MED12L: variants seen among roughly 807,000 people sequenced by gnomAD.
MED12L encodes mediator complex subunit 12L.
MED12L carries 60 observed loss-of-function variants against 281.3 expected under a neutral mutation model. That is an observed-to-expected ratio of 0.21 (90% CI 0.17 to 0.26). MED12L has a LOEUF of 0.26. Among genes scored for constraint, MED12L ranks in the 10% least tolerant of loss-of-function variants. The pLI, the probability that MED12L is intolerant of heterozygous loss-of-function variation, is 1.00. For synonymous variants in MED12L, 974 were observed against 987.2 expected (o/e 0.99, Z 0.25); for missense variants, 2,146 against 2,680.9 (o/e 0.80, Z 4.41).
intron 2 of MED12L, among the ~76,000 whole-genome samples, chr3:151,098,907 G>A (rs1313275837): frequency 6.6e-6 from 1 of 152,160 alleles, no homozygotes; most frequent in Non-Finnish European, 1.5e-5. Flanking sequence ...GCAGTTCCAT[G>A]TGGCTGGGGA....
intron 16 of MED12L, among the ~76,000 whole-genome samples, chr3:151,324,977 C>T (rs1453516221): frequency 6.6e-6 from 1 of 152,070 alleles, no homozygotes; most frequent in Non-Finnish European, 1.5e-5. Flanking sequence ...CTGTTAATAT[C>T]TGTGTGAACT....
intron 16 of MED12L, among the ~76,000 whole-genome samples, chr3:151,263,902 G>T (rs920608695): frequency 4.6e-5 from 7 of 152,202 alleles, no homozygotes; most frequent in African/African-American, 1.4e-4. Flanking sequence ...GCAGGGTAAA[G>T]TGTGGCACAG....
At chr3:151,098,961 G>A (rs1436305275) in intron 2 of MED12L, among the ~76,000 whole-genome samples, 5 of 152,178 alleles carry the variant, frequency 3.3e-5, no homozygotes. Flanking sequence ...GTCTTACATG[G>A]TGGCAGGCAA....
intron 16 of MED12L, chr3:151,327,965 A>G: frequency 6.8e-7 from 1 of 1,466,840 alleles, no homozygotes; most frequent in East Asian, 2.3e-5. Context: ...TCATCAATAA[A>G]TAGAAGTTAA....
chr3:151,307,014 A>G (rs1011543267), intron 16 of MED12L, among the ~76,000 whole-genome samples: 3 of 152,216 alleles, frequency 2.0e-5, no homozygotes, highest in African/African-American at 7.2e-5. Context: ...GAAAAGCTAT[A>G]CTGAACTGAT....
chr3:151,252,698 A>G (rs967048143), intron 16 of MED12L, among the ~76,000 whole-genome samples: 2 of 152,214 alleles, frequency 1.3e-5, no homozygotes, highest in Non-Finnish European at 2.9e-5. Context: ...CTTATGATGC[A>G]TGCAAATAGA....
At position 151,163,957 on chromosome 3, in the gene MED12L, C is replaced by T. The variant is rs774298475; in HGVS notation, c.1172C>T (p.Ala391Val). 1.1e-5 allele frequency: 18 copies of T among 1,613,550 alleles called. No individual in the cohort carries two copies. Among genetic ancestry groups the T allele is most frequent in the Non-Finnish European group, 1.5e-5 (18 of 1,179,806 alleles). The change falls in exon 9 of 45, where the codon GCA becomes GTA. Residue 391 changes from alanine to valine, a missense_variant. Physicochemically the swap from Ala to Val is moderately conservative, Grantham distance 64. Transcript: ENST00000687756. ...TATTCCACAAATGAAAATAAGAGCG[C>T]AAACCCAGGCTCACCCCTGGATCTG... ...WNYSTNENKS[A>V]NPGSPLDLLQ...
intron 32 of MED12L, among the ~76,000 whole-genome samples, 198 bp from the exon 33 acceptor site, chr3:151,382,458 A>T (rs1712551712): frequency 6.6e-6 from 1 of 152,164 alleles, no homozygotes. Flanking sequence ...TTCTTCCTCC[A>T]CCTAGAACGG....
intron 8 of MED12L, 131 bp from the exon 9 acceptor site, chr3:151,163,762 C>T: frequency 1.2e-6 from 1 of 843,426 alleles, no homozygotes; most frequent in East Asian, 2.9e-5. Flanking sequence ...TGGGGTAAGA[C>T]ACTCTCGTAT....
intron 43 of MED12L, among the ~76,000 whole-genome samples, chr3:151,421,912 A>G (rs1161498854): frequency 6.6e-6 from 1 of 152,154 alleles, no homozygotes; most frequent in Admixed American, 6.5e-5. Flanking sequence ...GCTGTTGAAG[A>G]TAAGTGAACT....
At chr3:151,375,812 G>A (rs1756779650) in intron 27 of MED12L, among the ~76,000 whole-genome samples, 1 of 151,856 alleles carries the variant, frequency 6.6e-6, no homozygotes, top group African/African-American at 2.4e-5. Flanking sequence ...ATTAAAAAAT[G>A]TTTTTAAGCA....
At chr3:151,157,091 A>G (rs1048495758) in intron 6 of MED12L, among the ~76,000 whole-genome samples, 2 of 152,314 alleles carry the variant, frequency 1.3e-5, no homozygotes, top group Non-Finnish European at 2.9e-5. Context: ...TTCTAGTTCC[A>G]TTTAGAAGAG....
chr3:151,162,113 T>A (rs1351474416), intron 8 of MED12L, among the ~76,000 whole-genome samples: 1 of 152,166 alleles, frequency 6.6e-6, no homozygotes, highest in South Asian at 2.1e-4. Flanking sequence ...TATATTTTGA[T>A]GGGCAGATTT....
At chr3:151,328,450 C>A in intron 16 of MED12L, 1 of 1,613,602 alleles carries the variant, frequency 6.2e-7, no homozygotes, top group Non-Finnish European at 8.5e-7. Flanking sequence ...GCCATTTCAG[C>A]CCCAGAGGCC....
intron 5 of MED12L, among the ~76,000 whole-genome samples, chr3:151,133,085 C>G (rs1003120652): frequency 6.6e-6 from 1 of 152,194 alleles, no homozygotes; most frequent in African/African-American, 2.4e-5. Context: ...AAGTGTCATC[C>G]TTTTCTGGCA....
chr3:151,113,347 G>A (rs890012099), intron 2 of MED12L, among the ~76,000 whole-genome samples: 5 of 152,210 alleles, frequency 3.3e-5, no homozygotes, highest in Admixed American at 1.3e-4. Context: ...GTGAAGGGAA[G>A]TGTGGTTAGG....
At chr3:151,415,814 A>G (rs1003373036) in intron 42 of MED12L, among the ~76,000 whole-genome samples, 1 of 152,156 alleles carries the variant, frequency 6.6e-6, no homozygotes, top group Admixed American at 6.5e-5. Context: ...TGAATTTCTG[A>G]TGTAAATTAT....
intron 16 of MED12L, among the ~76,000 whole-genome samples, chr3:151,298,116 T>A (rs190485547): frequency 6.6e-6 from 1 of 152,348 alleles, no homozygotes; most frequent in Admixed American, 6.5e-5. Context: ...AGAATTAAGT[T>A]TATATCACAT....
intron 24 of MED12L, 102 bp downstream of exon 24, chr3:151,367,868 T>C (rs998645605): frequency 1.5e-6 from 2 of 1,321,158 alleles, no homozygotes; most frequent in Non-Finnish European, 2.1e-6. Flanking sequence ...AGGGTATGTA[T>C]ATTGGGAAGT....
Sources: gnomAD v4.1 joint callset for allele counts (sites outside exome capture counted in the v4.1 genomes callset) on GRCh38, gnomAD v4.1.1 for gene constraint, MANE v1.5 for transcripts, NCBI Gene and HGNC (gene_info 2026-07-23, HGNC 2026-07-21) for gene names.